The following SPIRE2 variants were observed in gnomAD, a reference collection of about 807,000 sequenced individuals.
SPIRE2 encodes protein spire homolog 2.
SPIRE2 carries 76 observed loss-of-function variants against 80.7 expected under a neutral mutation model. That is an observed-to-expected ratio of 0.94 (90% confidence interval 0.78 to 1.14). The LOEUF is 1.14. Among genes scored for constraint, SPIRE2 ranks in the 50% most tolerant of loss-of-function variants. The pLI is 0.00. For synonymous variants in SPIRE2, 535 were observed against 432.6 expected (o/e 1.24, Z -2.94); for missense variants, 1,196 against 1,015.3 (o/e 1.18, Z -2.42).
intron 2 of SPIRE2, among the ~76,000 whole-genome samples, chr16:89,849,660 G>A (rs1292509809): frequency 6.6e-6 from 1 of 152,064 alleles, no homozygotes; most frequent in African/African-American, 2.4e-5. Flanking sequence ...CCTGGAAGTC[G>A]GTGCAGACGA....
At chr16:89,836,902 G>A (rs1254134480) in intron 1 of SPIRE2, among the ~76,000 whole-genome samples, 1 of 152,158 alleles carries the variant, frequency 6.6e-6, no homozygotes, top group African/African-American at 2.4e-5. Context: ...GGATGAGGCA[G>A]GAGAATCGCT....
At position 89,858,370 on chromosome 16, in the gene SPIRE2, T is replaced by A. The variant is rs377042337; in HGVS notation, c.1135T>A (p.Cys379Ser). The A allele has an allele frequency of 3.1e-6, 5 of 1,610,694 alleles. No individual in the cohort carries two copies. The highest frequency in any genetic ancestry group is 3.4e-6 in the Non-Finnish European group (4 of 1,179,046). Residue 379 changes from cysteine to serine, a missense_variant, in exon 8 of 15, where the codon TGC becomes AGC. Physicochemically the swap from Cys to Ser is moderately radical, Grantham distance 112. Coordinates refer to ENST00000378247, the MANE Select transcript of SPIRE2 (RefSeq NM_032451.2). ...FGSLPCILNA[C>S]SGDAKSTSCI... ...CTCTCTGCCCTGCATCCTCAACGCC[T>A]GCTCCGGAGATGCCAAGTCCACCTC...
At chr16:89,847,324 G>C (rs1200315380) in intron 2 of SPIRE2, among the ~76,000 whole-genome samples, 2 of 152,212 alleles carry the variant, frequency 1.3e-5, no homozygotes, top group Non-Finnish European at 2.9e-5. Flanking sequence ...GTGTGGCTGT[G>C]TCCGGTTGTC....
At chr16:89,841,608 A>G (rs2041506413) in intron 1 of SPIRE2, among the ~76,000 whole-genome samples, 2 of 151,998 alleles carry the variant, frequency 1.3e-5, no homozygotes, top group Non-Finnish European at 2.9e-5. Flanking sequence ...AAGTTTCTCA[A>G]CCTGCCTGAG....
At chr16:89,845,273 G>T (rs17719345) in intron 1 of SPIRE2, 49 bp from the exon 2 acceptor site, 3 of 1,576,204 alleles carry the variant, frequency 1.9e-6, no homozygotes, top group Non-Finnish European at 1.7e-6. Context: ...AGTGTTTATT[G>T]GGGTCCCGGG....
rs149249542 is a variant in SPIRE2 at position 89,845,103 on chromosome 16, G to A, written c.245-219G>A. Among the ~76,000 whole-genome samples, 393 of 152,258 alleles carry A rather than the reference G, an allele frequency of 2.6e-3. 2 individuals carry two copies. Among genetic ancestry groups the A allele is most frequent in the African/African-American group, 8.5e-3 (352 of 41,540 alleles). ...CAAGTAGGGGTTGCCTTGCTCTCCC[G>A]GCCCCTGTACCTGGGTGTCCTGCTT... On this transcript the variant is annotated intron_variant, in intron 1 of 14. Transcript: ENST00000378247.
At chr16:89,829,352 C>G (rs553080930) in intron 1 of SPIRE2, among the ~76,000 whole-genome samples, 7 of 152,344 alleles carry the variant, frequency 4.6e-5, no homozygotes, top group African/African-American at 1.7e-4. Flanking sequence ...TCAACCAGAA[C>G]CAACAATTAA....
rs886921433 is a variant in SPIRE2 at position 89,841,099 on chromosome 16, G to A, written c.245-4223G>A. 5.3e-5 allele frequency among the ~76,000 whole-genome samples: 8 copies of A among 151,406 alleles called. No individual in the cohort carries two copies. The East Asian group carries it at 7.8e-4, about 15-fold the overall frequency. On this transcript the variant is annotated intron_variant, in intron 1 of 14. Transcript: ENST00000378247. ...TTTGGGAGGCTGAGGCGGGAGGATC[G>A]CTTGAGCCCAGGAAGTCATGGCTGC...
intron 2 of SPIRE2, 92 bp from the exon 3 acceptor site, chr16:89,850,212 G>A: frequency 2.9e-6 from 3 of 1,027,304 alleles, no homozygotes; most frequent in Non-Finnish European, 2.9e-6. Context: ...TGTCTCCCTG[G>A]CCGGGTGCTG....
chr16:89,836,344 C>T, intron 1 of SPIRE2: 1 of 425,374 alleles, frequency 2.4e-6, no homozygotes. Flanking sequence ...GCTTTAGGGG[C>T]CGTGATTCTG....
intron 2 of SPIRE2, among the ~76,000 whole-genome samples, chr16:89,848,337 A>G (rs958315361): frequency 6.6e-6 from 1 of 152,244 alleles, no homozygotes; most frequent in African/African-American, 2.4e-5. Flanking sequence ...TTGCCCGCCT[A>G]CAGCAGAGAT....
Position 89,856,191 on chromosome 16 carries a change from G to C in SPIRE2, c.1057G>C (p.Glu353Gln). Residue 353 changes from glutamate (E) to glutamine (Q), a missense_variant, in exon 7 of 15, where the codon GAG becomes CAG. Transcript: ENST00000378247. ...HEKILEEIKQ[E>Q]RRLRPVRGEG... ...GAAGATCCTGGAGGAGATCAAGCAG[G>C]AGCGGAGGCTGCGCCCGGTGCGGGG... The C allele has an allele frequency of 1.2e-6, 2 of 1,604,940 alleles. No homozygotes were observed. The highest frequency in any genetic ancestry group is 1.7e-6 in the Non-Finnish European group (2 of 1,176,556).
intron 1 of SPIRE2, among the ~76,000 whole-genome samples, chr16:89,831,353 TG>T (rs2041379386): frequency 6.6e-6 from 1 of 150,606 alleles, no homozygotes; most frequent in African/African-American, 2.4e-5. Context: ...ATTTTTTGAA[TG>T]TTTTTTCTTG....
At position 89,828,557 on chromosome 16, in the gene SPIRE2, C is replaced by T. The variant is rs2041347473; in HGVS notation, c.7C>T (p.Arg3Trp). MA[R>W]AGSCGGAAAG... is the part of the protein sequence containing the mutation. ...AGGCGATGACGGCCCCGCCATGGCC[C>T]GGGCGGGCAGCTGCGGCGGCGCCGC... The change falls in exon 1 of 15, where the codon CGG (arginine) becomes TGG (tryptophan). Residue 3 changes from arginine to tryptophan, a missense_variant. Coordinates refer to ENST00000378247, the MANE Select transcript of SPIRE2 (RefSeq NM_032451.2). The surrounding 1 kb of genome is among the most constrained non-coding windows in gnomAD (Gnocchi z 5.9). The T allele has an allele frequency of 1.8e-6, 2 of 1,129,184 alleles. No homozygotes were observed. Among genetic ancestry groups the T allele is most frequent in the Non-Finnish European group, 2.2e-6 (2 of 926,638 alleles). The allele number at this position is 1,129,184 out of a possible 1,614,324, so 69.9% of individuals were successfully genotyped here. A position where few individuals can be genotyped will look rare whatever the true frequency, so the allele number is the denominator to read the frequency against.
Position 89,844,866 on chromosome 16 carries a change from AG to A in SPIRE2, c.245-455del, listed in dbSNP as rs113859904. Among the ~76,000 whole-genome samples, 114 of 152,294 alleles carry A rather than the reference AG, an allele frequency of 7.5e-4. 1 individual carries two copies. Among genetic ancestry groups the A allele is most frequent in the African/African-American group, 2.5e-3 (104 of 41,564 alleles). ...TCAAAGTGCTGGGATTATAGGTGTG[AG>A]CCACCACATCTGGCCTCCTACTCCA... On this transcript the variant is annotated intron_variant, in intron 1 of 14. Transcript: ENST00000378247.
At chr16:89,857,621 A>G (rs2041702881) in intron 7 of SPIRE2, among the ~76,000 whole-genome samples, 1 of 149,148 alleles carries the variant, frequency 6.7e-6, no homozygotes, top group South Asian at 2.1e-4. Flanking sequence ...CCCAGGCTGG[A>G]GTGCAGTGGC....
intron 12 of SPIRE2, among the ~76,000 whole-genome samples, chr16:89,865,002 T>C (rs201187268): frequency 1.8e-4 from 26 of 147,318 alleles, no homozygotes; most frequent in East Asian, 1.0e-3. Flanking sequence ...ATACTTTTTT[T>C]CCTTTTTTTT....
intron 1 of SPIRE2, among the ~76,000 whole-genome samples, chr16:89,837,769 C>T (rs2041464143): frequency 2.0e-5 from 3 of 152,208 alleles, no homozygotes; most frequent in Middle Eastern, 3.2e-3. Flanking sequence ...GGAGGACGCC[C>T]CGTGCGGGGG....
chr16:89,855,491 C>T (rs1290310019), intron 5 of SPIRE2, 109 bp from the exon 6 acceptor site: 24 of 874,194 alleles, frequency 2.7e-5, no homozygotes, highest in Admixed American at 2.2e-5. Flanking sequence ...AGTGGGAGGG[C>T]GGGTAGGTGC....
Sources: gnomAD v4.1 joint callset for allele counts (sites outside exome capture counted in the v4.1 genomes callset) on GRCh38, gnomAD v4.1.1 for gene constraint, Gnocchi (gnomAD v3.1) non-coding constraint, MANE v1.5 for transcripts, NCBI Gene and HGNC (gene_info 2026-07-23, HGNC 2026-07-21) for gene names.